Variants in NOL4 observed in about 807,000 individuals in gnomAD.
NOL4 encodes nucleolar protein 4.
Under a neutral mutation model 75.9 loss-of-function variants are expected in NOL4, and 17 were observed. The observed-to-expected ratio is 0.22, with a 90% confidence interval of 0.15 to 0.34. The LOEUF (loss-of-function observed/expected upper bound fraction) is 0.34, where lower values mean the gene tolerates loss of function less well. NOL4 is among the 10% of genes least tolerant of loss of function. NOL4 has a pLI of 1.00. For synonymous variants in NOL4, 292 were observed against 289.9 expected (o/e 1.01, Z -0.07); for missense variants, 614 against 793.5 (o/e 0.77, Z 2.72).
chr18:34,047,243 T>TCTGAG (rs938789309), intron 5 of NOL4, among the ~76,000 whole-genome samples: 1 of 152,162 alleles, frequency 6.6e-6, no homozygotes, highest in African/African-American at 2.4e-5. Flanking sequence ...TCTGAGAAAT[T>TCTGAG]AAAACAGCAC....
intron 8 of NOL4, among the ~76,000 whole-genome samples, chr18:33,948,303 AC>A (rs2068974965): frequency 6.6e-6 from 1 of 151,816 alleles, no homozygotes; most frequent in South Asian, 2.1e-4. Context: ...TTCCTCCTAA[AC>A]TTGTTACTTT....
At chr18:33,952,740 C>T (rs1447237946) in intron 8 of NOL4, among the ~76,000 whole-genome samples, 3 of 152,166 alleles carry the variant, frequency 2.0e-5, no homozygotes, top group Non-Finnish European at 4.4e-5. Context: ...GCCTGACCAA[C>T]ATGGAGAAAC....
chr18:34,001,174 C>T (rs2073672852), intron 6 of NOL4, among the ~76,000 whole-genome samples: 1 of 152,052 alleles, frequency 6.6e-6, no homozygotes, highest in South Asian at 2.1e-4. Flanking sequence ...GTTCAGAAAG[C>T]ATAATCATTT....
chr18:34,167,184 G>A (rs2032479191), intron 1 of NOL4, among the ~76,000 whole-genome samples: 1 of 151,342 alleles, frequency 6.6e-6, no homozygotes, highest in Non-Finnish European at 1.5e-5. Context: ...AAAGGGATGT[G>A]CATAGGTTAT....
intron 1 of NOL4, among the ~76,000 whole-genome samples, chr18:34,143,831 C>A (rs1359509736): frequency 6.9e-6 from 1 of 144,402 alleles, no homozygotes; most frequent in African/African-American, 2.6e-5. Context: ...CACCACTTCA[C>A]TCCAGCCTGG....
chr18:33,956,064 T>C (rs2069623083), intron 8 of NOL4, among the ~76,000 whole-genome samples: 1 of 152,102 alleles, frequency 6.6e-6, no homozygotes, highest in East Asian at 1.9e-4. Context: ...ACAGAAATCA[T>C]GTCACCTATT....
intron 1 of NOL4, among the ~76,000 whole-genome samples, chr18:34,203,284 A>G (rs895924961): frequency 2.6e-5 from 4 of 151,992 alleles, no homozygotes; most frequent in Non-Finnish European, 5.9e-5. Context: ...GGCAGGATGA[A>G]GGAACAGGAA....
intron 9 of NOL4, among the ~76,000 whole-genome samples, chr18:33,925,762 G>A (rs917731199): frequency 6.6e-6 from 1 of 151,962 alleles, no homozygotes; most frequent in Non-Finnish European, 1.5e-5. Context: ...GGGAAATTCT[G>A]TTTCCAGTGG....
At chr18:34,131,139 C>T (rs2080634533) in intron 1 of NOL4, among the ~76,000 whole-genome samples, 1 of 150,952 alleles carries the variant, frequency 6.6e-6, no homozygotes, top group South Asian at 2.1e-4. Flanking sequence ...TTTGAAGTAA[C>T]ATAACATAGC....
At chr18:34,015,546 T>A (rs1280047864) in intron 6 of NOL4, among the ~76,000 whole-genome samples, 1 of 150,570 alleles carries the variant, frequency 6.6e-6, no homozygotes, top group African/African-American at 2.5e-5. Flanking sequence ...ATTCCTTTTA[T>A]ATCACTTGTT....
Position 34,071,436 on chromosome 18 carries a change from CAG to C in NOL4, c.772+22027_772+22028del, listed in dbSNP as rs371372881. 2.7e-4 allele frequency among the ~76,000 whole-genome samples: 28 copies of C among 104,496 alleles called. 1 individual carries two copies. The highest frequency in any genetic ancestry group is 2.5e-3 in the South Asian group (6 of 2,358). The allele number at this position is 104,496 out of a possible 152,430, so 68.6% of individuals were successfully genotyped here. On this transcript the variant is annotated intron_variant, in intron 5 of 10. Coordinates refer to ENST00000261592, the MANE Select transcript of NOL4 (RefSeq NM_003787.5). ...ATACACAAATAGACAGACAGACAGA[CAG>C]ACACACACACACACACACACACACA...
intron 6 of NOL4, among the ~76,000 whole-genome samples, chr18:33,990,823 G>GT (rs1333433146): frequency 1.3e-5 from 2 of 151,902 alleles, no homozygotes; most frequent in African/African-American, 2.4e-5. Context: ...ATCTGGTCTA[G>GT]TAATTCCACA....
At chr18:34,192,418 AAAACC>A (rs1480693037) in intron 1 of NOL4, among the ~76,000 whole-genome samples, 1 of 152,222 alleles carries the variant, frequency 6.6e-6, no homozygotes, top group African/African-American at 2.4e-5. Flanking sequence ...AATCTTGAGC[AAAACC>A]AAATCTGGAG....
At chr18:34,205,360 G>T (rs546572761) in intron 1 of NOL4, among the ~76,000 whole-genome samples, 4 of 152,046 alleles carry the variant, frequency 2.6e-5, no homozygotes, top group Non-Finnish European at 4.4e-5. Context: ...TGCTTTCTAC[G>T]CCTCCCCAGT....
chr18:34,070,603 T>C (rs897208144), intron 5 of NOL4, among the ~76,000 whole-genome samples: 1 of 152,172 alleles, frequency 6.6e-6, no homozygotes, highest in Non-Finnish European at 1.5e-5. Context: ...AGTTATACAG[T>C]CAGTGAAAAC....
At chr18:34,151,962 C>T (rs1204700657) in intron 1 of NOL4, among the ~76,000 whole-genome samples, 1 of 151,660 alleles carries the variant, frequency 6.6e-6, no homozygotes, top group Admixed American at 6.6e-5. Context: ...ACAACCAGCT[C>T]AAGGAATTTT....
At chr18:33,907,252 G>A (rs900235862) in intron 9 of NOL4, among the ~76,000 whole-genome samples, 2 of 148,100 alleles carry the variant, frequency 1.4e-5, no homozygotes, top group African/African-American at 5.0e-5. Flanking sequence ...GAACCTGGGA[G>A]GTGGAGCTTG....
Position 33,989,596 on chromosome 18 carries a change from C to T in NOL4, c.1056+29722G>A, listed in dbSNP as rs143370166. 2.6e-4 allele frequency among the ~76,000 whole-genome samples: 39 copies of T among 152,144 alleles called. 1 individual carries two copies. The East Asian group carries it at 7.0e-3, about 27-fold the overall frequency. On this transcript the variant is annotated intron_variant, in intron 6 of 10. Coordinates refer to ENST00000261592, the MANE Select transcript of NOL4 (RefSeq NM_003787.5). ...AGAGACAGAGGGAAGATGACATTCT[C>T]ATGCTCAGCATATTTCAAAGATTGA... is the stretch of plus-strand genomic sequence containing the variant.
chr18:33,855,023 T>C (rs61550271), intron 10 of NOL4, among the ~76,000 whole-genome samples: 27,118 of 151,956 alleles, frequency 0.18, 2,637 homozygotes, highest in Non-Finnish European at 0.22. Context: ...GCTATTCACA[T>C]CTCCCAAGTT....
Sources: gnomAD v4.1 joint callset for allele counts (sites outside exome capture counted in the v4.1 genomes callset) on GRCh38, gnomAD v4.1.1 for gene constraint, MANE v1.5 for transcripts, NCBI Gene and HGNC (gene_info 2026-07-23, HGNC 2026-07-21) for gene names.